The following ARHGAP24 variants were observed in gnomAD, a reference collection of about 807,000 sequenced individuals.
ARHGAP24 encodes Rho GTPase activating protein 24, also known as rho GTPase-activating protein 24.
Under a neutral mutation model 76.4 loss-of-function variants are expected in ARHGAP24, and 50 were observed. The ratio of observed to expected loss-of-function variants is 0.65; its 90% CI spans 0.52 to 0.83. The LOEUF (loss-of-function observed/expected upper bound fraction) is 0.83, where lower values mean the gene tolerates loss of function less well. Ranked by LOEUF, ARHGAP24 falls within the 40% of genes least tolerant of loss-of-function variation. The pLI, the probability that ARHGAP24 is intolerant of heterozygous loss-of-function variation, is 0.00. For synonymous variants in ARHGAP24, 345 were observed against 323.3 expected, an observed-to-expected ratio of 1.07 and a Z score of -0.72; for missense variants, 930 against 914.2, an observed-to-expected ratio of 1.02 and a Z score of -0.22.
intron 2 of ARHGAP24, among the ~76,000 whole-genome samples, chr4:85,671,581 G>A (rs140820532): frequency 2.1e-4 from 32 of 152,274 alleles, no homozygotes; most frequent in African/African-American, 7.0e-4. Context: ...GGTTTTAGCT[G>A]TAGACTTTTG....
intron 1 of ARHGAP24, among the ~76,000 whole-genome samples, chr4:85,565,497 C>T (rs1219134796): frequency 6.6e-6 from 1 of 152,170 alleles, no homozygotes; most frequent in Non-Finnish European, 1.5e-5. Flanking sequence ...TCTGGGAACA[C>T]ATTTATACAG....
chr4:85,627,585 T>C (rs1234475994), intron 2 of ARHGAP24, among the ~76,000 whole-genome samples: 3 of 152,196 alleles, frequency 2.0e-5, no homozygotes, highest in Non-Finnish European at 4.4e-5. Context: ...GGAGAACCAC[T>C]ACTCTCTTCA....
At chr4:85,902,387 A>G (rs1734546760) in intron 3 of ARHGAP24, among the ~76,000 whole-genome samples, 1 of 152,088 alleles carries the variant, frequency 6.6e-6, no homozygotes, top group African/African-American at 2.4e-5. Flanking sequence ...TTTGTTTCCA[A>G]ATGGTTGCAT....
chr4:85,489,590 C>T (rs543136752), intron 1 of ARHGAP24, among the ~76,000 whole-genome samples: 6 of 152,300 alleles, frequency 3.9e-5, no homozygotes, highest in African/African-American at 1.2e-4. Context: ...GCCCTTTGTG[C>T]AGCTGAGCTG....
intron 3 of ARHGAP24, among the ~76,000 whole-genome samples, chr4:85,824,574 C>T (rs1285298542): frequency 2.0e-5 from 3 of 152,252 alleles, no homozygotes; most frequent in Middle Eastern, 3.4e-3. Context: ...TTATTCTCCT[C>T]ACTGATTGCA....
chr4:85,481,882 C>T (rs567725522), intron 1 of ARHGAP24, among the ~76,000 whole-genome samples: 14 of 152,198 alleles, frequency 9.2e-5, no homozygotes, highest in East Asian at 1.9e-4. Flanking sequence ...TCACTGGGCA[C>T]GCAGAAGTAA....
intron 9 of ARHGAP24, 35 bp from the exon 10 acceptor site, chr4:86,000,444 T>TCC (rs777716425): frequency 1.3e-5 from 8 of 616,628 alleles, no homozygotes; most frequent in East Asian, 5.5e-5. Flanking sequence ...TACTCTTGCG[T>TCC]CCCCACCCCC....
intron 2 of ARHGAP24, among the ~76,000 whole-genome samples, chr4:85,598,645 A>G (rs1011479559): frequency 1.3e-5 from 2 of 152,044 alleles, no homozygotes; most frequent in Non-Finnish European, 2.9e-5. Context: ...AGTGTTAATC[A>G]TGACCCAAAA....
At chr4:85,592,481 A>G (rs748611412) in intron 2 of ARHGAP24, among the ~76,000 whole-genome samples, 9 of 152,204 alleles carry the variant, frequency 5.9e-5, no homozygotes, top group Non-Finnish European at 1.0e-4. Context: ...TTTGTGTTAC[A>G]AACAATCTAA....
intron 3 of ARHGAP24, among the ~76,000 whole-genome samples, chr4:85,820,854 T>C (rs542311268): frequency 6.6e-6 from 1 of 152,278 alleles, no homozygotes; most frequent in East Asian, 1.9e-4. Context: ...CATAAAAGTA[T>C]AATTTTACTA....
chr4:85,963,975 T>C (rs1235268528), intron 5 of ARHGAP24, among the ~76,000 whole-genome samples: 1 of 152,170 alleles, frequency 6.6e-6, no homozygotes, highest in African/African-American at 2.4e-5. Flanking sequence ...TATGTATTCA[T>C]GTGCTAGGAG....
intron 2 of ARHGAP24, among the ~76,000 whole-genome samples, chr4:85,641,394 G>A (rs949672019): frequency 2.6e-5 from 4 of 152,204 alleles, no homozygotes; most frequent in Admixed American, 2.6e-4. Flanking sequence ...TTAAGCAGCA[G>A]AAATTAATTT....
At chr4:85,627,853 C>T (rs919092785) in intron 2 of ARHGAP24, among the ~76,000 whole-genome samples, 7 of 152,168 alleles carry the variant, frequency 4.6e-5, no homozygotes, top group African/African-American at 1.4e-4. Context: ...AGTGAGACTC[C>T]GTGGGCGTAG....
intron 3 of ARHGAP24, among the ~76,000 whole-genome samples, chr4:85,818,473 A>T (rs1387409285): frequency 6.6e-6 from 1 of 152,242 alleles, no homozygotes; most frequent in Non-Finnish European, 1.5e-5. Flanking sequence ...GTGGTGAAGA[A>T]GGCAAAGCAT....
chr4:85,513,933 A>T (rs1045038606), intron 1 of ARHGAP24, among the ~76,000 whole-genome samples: 4 of 152,106 alleles, frequency 2.6e-5, no homozygotes, highest in Admixed American at 6.5e-5. Flanking sequence ...GACTGTCATG[A>T]CAGGGGTCCT....
At chr4:85,656,960 AT>A (rs78631224) in intron 2 of ARHGAP24, among the ~76,000 whole-genome samples, 60,057 of 151,888 alleles carry the variant, frequency 0.4, 13,372 homozygotes, top group East Asian at 0.84. Flanking sequence ...TTTAAAAAAA[AT>A]GTTTACAGCA....
At chr4:85,725,942 C>T (rs1232534738) in intron 3 of ARHGAP24, among the ~76,000 whole-genome samples, 1 of 152,148 alleles carries the variant, frequency 6.6e-6, no homozygotes, top group Non-Finnish European at 1.5e-5. Flanking sequence ...GAGTCCCTGA[C>T]TTAGAGAAGG....
chr4:85,932,647 A>C (rs1736406310), intron 4 of ARHGAP24, among the ~76,000 whole-genome samples: 1 of 152,168 alleles, frequency 6.6e-6, no homozygotes. Flanking sequence ...GGCTATTTTT[A>C]AAGGCTGTCC....
chr4:85,503,694 G>T (rs918044075), intron 1 of ARHGAP24, among the ~76,000 whole-genome samples: 4 of 152,142 alleles, frequency 2.6e-5, no homozygotes, highest in South Asian at 2.1e-4. Flanking sequence ...TTTTTTGAAG[G>T]GTTTTTTGTG....
Sources: gnomAD v4.1 joint callset for allele counts (sites outside exome capture counted in the v4.1 genomes callset) on GRCh38, gnomAD v4.1.1 for gene constraint, MANE v1.5 for transcripts, NCBI Gene and HGNC (gene_info 2026-07-23, HGNC 2026-07-21) for gene names.